Variants in LCN2 observed in about 807,000 individuals in gnomAD.
LCN2 encodes the protein neutrophil gelatinase-associated lipocalin.
A neutral mutation model predicts 26.4 loss-of-function variants in LCN2; 27 were observed. The observed-to-expected ratio is 1.02, with a 90% CI of 0.76 to 1.41. The LOEUF is 1.41. Among genes scored for constraint, LCN2 ranks in the 40% most tolerant of loss-of-function variants. The pLI is 0.00. For synonymous variants in LCN2, 94 were observed against 98.9 expected, an observed-to-expected ratio of 0.95 and a Z score of 0.30; for missense variants, 224 against 237.6, an observed-to-expected ratio of 0.94 and a Z score of 0.38.
rs1212847788 is a variant in LCN2, at chr9:128,151,814, G to T, written c.356-92G>T. The T allele has an allele frequency of 1.3e-5, 20 of 1,598,226 alleles. No individual in the cohort carries two copies. In the Admixed American group the frequency reaches 3.2e-4, roughly 25 times the overall value. On this transcript the variant is annotated intron_variant, in intron 3 of 6. Transcript: ENST00000277480. Reference sequence around the variant, plus strand: ...CCCTCCACACAGATGTGTTGTATGGGGAGAAGCCCACGTTGATGGGCTGGG... The same window carrying T: ...CCCTCCACACAGATGTGTTGTATGGTGAGAAGCCCACGTTGATGGGCTGGG...
rs111459412 is a variant in LCN2, at chr9:128,153,052, G to GCA, written c.578-35_578-34dup. The GCA allele has an allele frequency of 3.5e-3, 5,447 of 1,556,888 alleles. 118 individuals are homozygous for GCA. In the African/African-American group the frequency reaches 0.064, roughly 18 times the overall value. On this transcript the variant is annotated intron_variant, in intron 5 of 6. Coordinates refer to ENST00000277480, the MANE Select transcript of LCN2 (RefSeq NM_005564.5). This position sits in a 1 kb window ranked among gnomAD's most constrained non-coding sequence, Gnocchi z 5.4. ...GGATCACACACACACACTCATACAC[G>GCA]CACACACACACACAGCTGCCTGTTC...
chr9:128,152,803 G>C (rs1027245147), intron 5 of LCN2, among the ~76,000 whole-genome samples: 19 of 152,176 alleles, frequency 1.2e-4, no homozygotes, highest in African/African-American at 4.3e-4. Flanking sequence ...CCCAGGCTGA[G>C]AGACTGCCTG....
At chr9:128,150,877 C>A (rs894180592) in intron 2 of LCN2, among the ~76,000 whole-genome samples, 3 of 152,222 alleles carry the variant, frequency 2.0e-5, no homozygotes, top group South Asian at 2.1e-4. Flanking sequence ...CCCGCCCCAG[C>A]GGATCTGCTG....
At position 128,153,211 on chromosome 9, in the gene LCN2, C is replaced by T. The variant is rs1829158419; in HGVS notation, c.*7+85C>T. 2.0e-6 allele frequency: 3 copies of T among 1,488,928 alleles called. No individual in the cohort carries two copies. Among genetic ancestry groups the T allele is most frequent in the African/African-American group, 1.4e-5 (1 of 72,522 alleles). 92.2% of individuals were successfully genotyped at this position (1,488,928 alleles called of 1,614,324 possible). ...GGGTCTTGGGCCTGCCTTTGCTCATCCCCCTGCCCCCCAGCACTGCTGCTG... is the reference window on the plus strand; with the variant it reads ...GGGTCTTGGGCCTGCCTTTGCTCATTCCCCTGCCCCCCAGCACTGCTGCTG... On this transcript the variant is annotated intron_variant, in intron 6 of 6. Transcript: ENST00000277480. The surrounding 1 kb of genome is among the most constrained non-coding windows in gnomAD (Gnocchi z 5.4).
At chr9:128,152,911 G>C (rs1226210071) in intron 5 of LCN2, among the ~76,000 whole-genome samples, 189 bp from the exon 6 acceptor site, 1 of 152,048 alleles carries the variant, frequency 6.6e-6, no homozygotes, top group Non-Finnish European at 1.5e-5. Context: ...CACATCCCCT[G>C]CCCTGCCATC....
intron 3 of LCN2, 36 bp downstream of exon 3, chr9:128,151,753 C>G (rs1835008624): frequency 6.2e-7 from 1 of 1,602,606 alleles, no homozygotes; most frequent in Non-Finnish European, 8.5e-7. Flanking sequence ...TGAGTTGGGG[C>G]TCCGGGGAGC....
Position 128,151,926 on chromosome 9 carries a change from T to G in LCN2, c.376T>G (p.Tyr126Asp). 6.2e-7 allele frequency: 1 copy of G among 1,614,126 alleles called. No individual in the cohort carries two copies. The highest frequency in any genetic ancestry group is 8.5e-7 in the Non-Finnish European group (1 of 1,179,996). ...TGCAGGTTACCCTGGATTAACGAGT[T>G]ACCTCGTCCGAGTGGTGAGCACCAA... ...NIKSYPGLTS[Y>D]LVRVVSTNYN... Residue 126 changes from tyrosine to aspartate, a missense_variant, in exon 4 of 7, where the codon TAC becomes GAC. Physicochemically the swap from Tyr to Asp is radical, Grantham distance 160 (BLOSUM62 -3). Coordinates refer to ENST00000277480, the MANE Select transcript of LCN2 (RefSeq NM_005564.5).
chr9:128,150,450 C>A (rs777801476), intron 2 of LCN2, 76 bp downstream of exon 2: 128 of 1,584,366 alleles, frequency 8.1e-5, no homozygotes, highest in Non-Finnish European at 1.0e-4. Context: ...GCTGAGGGAT[C>A]CTGTCGTTCA....
At position 128,153,058 on chromosome 9, in the gene LCN2, A is replaced by G. The variant is rs1265583768; in HGVS notation, c.578-42A>G. On this transcript the variant is annotated intron_variant, in intron 5 of 6. Transcript: ENST00000277480. The surrounding 1 kb of genome is among the most constrained non-coding windows in gnomAD (Gnocchi z 5.4). ...CACACACACACTCATACACGCACAC[A>G]CACACACAGCTGCCTGTTCTGACGG... The G allele has an allele frequency of 1.9e-6, 3 of 1,613,738 alleles. No individual in the cohort carries two copies. The highest frequency in any genetic ancestry group is 1.1e-5 in the South Asian group (1 of 91,082).
Position 128,151,679 on chromosome 9 carries a change from G to T in LCN2, c.317G>T (p.Gly106Val), listed in dbSNP as rs762432088. ...CDYWIRTFVP[G>V]CQPGEFTLGN... ...TACTGGATCAGGACTTTTGTTCCAG[G>T]TTGCCAGCCCGGCGAGTTCACGCTG... Residue 106 changes from glycine to valine, a missense_variant, in exon 3 of 7, where the codon GGT becomes GTT. Physicochemically the swap from Gly to Val is moderately radical, Grantham distance 109. Coordinates refer to ENST00000277480, the MANE Select transcript of LCN2 (RefSeq NM_005564.5). 4 of 1,613,984 alleles carry T rather than the reference G, an allele frequency of 2.5e-6. No individual in the cohort carries two copies. Among genetic ancestry groups the T allele is most frequent in the Non-Finnish European group, 3.4e-6 (4 of 1,179,968 alleles).
rs1336604064 is a variant in LCN2, at chr9:128,151,883, C to A, written c.356-23C>A. 9 of 1,613,622 alleles carry A rather than the reference C, an allele frequency of 5.6e-6. No homozygotes were observed. The African/African-American group carries it at 6.7e-5, about 12-fold the overall frequency. ...CTCCTCCCATCCAGGGCAGGGCTGA[C>A]CCCTCACCGTCCACGCCTGCAGGTT... On this transcript the variant is annotated intron_variant, in intron 3 of 6. Transcript: ENST00000277480.
At chr9:128,150,120 C>T (rs1053675744) in intron 1 of LCN2, 118 bp from the exon 2 acceptor site, 2 of 1,363,278 alleles carry the variant, frequency 1.5e-6, no homozygotes, top group African/African-American at 2.9e-5. Flanking sequence ...GGCCCTGCTG[C>T]CCAGCTAGAG....
At chr9:128,151,276 C>T (rs935540233) in intron 2 of LCN2, among the ~76,000 whole-genome samples, 1 of 151,878 alleles carries the variant, frequency 6.6e-6, no homozygotes, top group Non-Finnish European at 1.5e-5. Flanking sequence ...GGAAGGGAAG[C>T]AGCAAGCTGA....
intron 1 of LCN2, 87 bp downstream of exon 1, chr9:128,149,750 C>A: frequency 6.5e-7 from 1 of 1,527,490 alleles, no homozygotes; most frequent in Non-Finnish European, 8.9e-7. Context: ...TCAGGAAGAG[C>A]GTTGGGCAGG....
intron 2 of LCN2, among the ~76,000 whole-genome samples, chr9:128,150,981 G>T (rs1409211565): frequency 2.0e-5 from 3 of 152,346 alleles, no homozygotes; most frequent in South Asian, 4.1e-4. Context: ...AAGTGAAGCG[G>T]GGCCGTCACA....
At position 128,151,999 on chromosome 9, in the gene LCN2, G is replaced by A. The variant is rs773883582; in HGVS notation, c.449G>A (p.Arg150Lys). ...TTCTTCAAGAAAGTTTCTCAAAACA[G>A]GGAGTACTTCAAGATCACCCTCTAC... Reference protein sequence around the residue: ...MVFFKKVSQNREYFKITLYGR... With the variant: ...MVFFKKVSQNKEYFKITLYGR... The change falls in exon 4 of 7, where the codon AGG becomes AAG. Residue 150 changes from arginine (R) to lysine (K), a missense_variant. Physicochemically the swap from Arg to Lys is conservative, Grantham distance 26 (BLOSUM62 2). Coordinates refer to ENST00000277480, the MANE Select transcript of LCN2 (RefSeq NM_005564.5). 7.4e-6 allele frequency: 12 copies of A among 1,614,004 alleles called. No individual in the cohort carries two copies. Among genetic ancestry groups the A allele is most frequent in the Non-Finnish European group, 1.0e-5 (12 of 1,180,000 alleles).
At position 128,153,218 on chromosome 9, in the gene LCN2, C is replaced by G; in HGVS notation, c.*7+92C>G. ...GGGCCTGCCTTTGCTCATCCCCCTGCCCCCCAGCACTGCTGCTGTCTTTAT... is the reference window on the plus strand; with the variant it reads ...GGGCCTGCCTTTGCTCATCCCCCTGGCCCCCAGCACTGCTGCTGTCTTTAT... On this transcript the variant is annotated intron_variant, in intron 6 of 6. Transcript: ENST00000277480. The surrounding 1 kb of genome is among the most constrained non-coding windows in gnomAD (Gnocchi z 5.4). 3 of 1,416,838 alleles carry G rather than the reference C, an allele frequency of 2.1e-6. No homozygotes were observed. The highest frequency in any genetic ancestry group is 3.0e-6 in the Non-Finnish European group (3 of 1,006,066). 87.8% of individuals were successfully genotyped at this position (1,416,838 alleles called of 1,614,324 possible).
At chr9:128,150,957 C>T (rs1484357801) in intron 2 of LCN2, among the ~76,000 whole-genome samples, 2 of 152,110 alleles carry the variant, frequency 1.3e-5, no homozygotes, top group African/African-American at 2.4e-5. Context: ...CCTAGGGGGT[C>T]GGGAGACCAG....
At position 128,151,635 on chromosome 9, in the gene LCN2, A is replaced by C; in HGVS notation, c.276-3A>C. 6.2e-7 allele frequency: 1 copy of C among 1,613,810 alleles called. No individual in the cohort carries two copies. The highest frequency in any genetic ancestry group is 1.3e-5 in the African/African-American group (1 of 75,044). On this transcript the variant is annotated splice_polypyrimidine_tract_variant and splice_region_variant and intron_variant, in intron 2 of 6. Transcript: ENST00000277480. ...TCTCACCCACCCATCTCTCCCTCCC[A>C]AGGAAAAAGAAGTGTGACTACTGGA...
Sources: allele counts gnomAD v4.1 joint callset (sites outside exome capture counted in the v4.1 genomes callset), GRCh38; gene constraint gnomAD v4.1.1; non-coding constraint Gnocchi (gnomAD v3.1); transcripts MANE v1.5; gene names NCBI Gene and HGNC (gene_info 2026-07-23, HGNC 2026-07-21).